The following PAQR5 variants were observed in gnomAD, a reference collection of about 807,000 sequenced individuals.
PAQR5 encodes the protein progestin and adipoQ receptor family member 5.
A neutral mutation model predicts 34.5 loss-of-function variants in PAQR5; 20 were observed. That is an observed-to-expected ratio of 0.58 (90% CI 0.41 to 0.84). The LOEUF (loss-of-function observed/expected upper bound fraction) is 0.84. Among genes scored for constraint, PAQR5 ranks in the 40% least tolerant of loss-of-function variants. The probability of loss-of-function intolerance (pLI) is 0.00; values close to 1 mark genes in which losing one functional copy is unlikely to be tolerated. For missense variants in PAQR5, 378 were observed against 412.7 expected (o/e 0.92, Z 0.73); for synonymous variants, 131 against 155.6 (o/e 0.84, Z 1.18).
chr15:69,310,608 GA>G (rs1405364156), intron 1 of PAQR5, among the ~76,000 whole-genome samples: 2 of 152,108 alleles, frequency 1.3e-5, no homozygotes, highest in Non-Finnish European at 2.9e-5. Context: ...TTTCTTATTA[GA>G]GGAATCAGAG....
At chr15:69,306,476 A>G (rs1233165518) in intron 1 of PAQR5, among the ~76,000 whole-genome samples, 1 of 140,876 alleles carries the variant, frequency 7.1e-6, no homozygotes, top group Non-Finnish European at 1.5e-5. Context: ...CAACGGCACC[A>G]TCTCGGCTCA....
chr15:69,356,503 C>T (rs1395182546), intron 2 of PAQR5, among the ~76,000 whole-genome samples: 1 of 152,112 alleles, frequency 6.6e-6, no homozygotes, highest in African/African-American at 2.4e-5. Context: ...TAACATTTAG[C>T]ATTTTAACCA....
rs373342690 is a variant in PAQR5, at chr15:69,368,569, TCTC to T, written c.51+8441_51+8443del. On this transcript the variant is annotated intron_variant, in intron 3 of 8. Transcript: ENST00000395407. ...TAGCACATCAAAACCATTTATATCT[TCTC>T]CTTCTGGAGAAATGTTCTCTGTGTC... Among the ~76,000 whole-genome samples the T allele has an allele frequency of 2.8e-4, 43 of 152,340 alleles. No homozygotes were observed. In the East Asian group the frequency reaches 6.9e-3, roughly 25 times the overall value.
At chr15:69,371,873 A>C (rs1340705294) in intron 3 of PAQR5, among the ~76,000 whole-genome samples, 1 of 152,212 alleles carries the variant, frequency 6.6e-6, no homozygotes, top group Non-Finnish European at 1.5e-5. Flanking sequence ...TCAAATTCAA[A>C]ATTGATGTTA....
rs1220688409 is a variant in PAQR5, at chr15:69,403,439, A to G, written c.752-142A>G. 9 of 747,898 alleles carry G rather than the reference A, an allele frequency of 1.2e-5. No homozygotes were observed. The East Asian group carries it at 1.4e-4, about 11-fold the overall frequency. The allele number at this position is 747,898 out of a possible 1,614,324, so 46.3% of individuals were successfully genotyped here. ...CTACTCTCTGTCTTTATGGATTTGC[A>G]TATTCTGGAGATTTTATATAATATG... On this transcript the variant is annotated intron_variant, in intron 8 of 8. Transcript: ENST00000395407.
At chr15:69,391,587 T>C (rs2056273630) in intron 6 of PAQR5, 1 of 452,028 alleles carries the variant, frequency 2.2e-6, no homozygotes, top group Non-Finnish European at 4.4e-6. Context: ...GGACTGGCCA[T>C]GGTCCAGGAA....
chr15:69,338,944 G>T (rs903526122), intron 2 of PAQR5, among the ~76,000 whole-genome samples: 4 of 152,170 alleles, frequency 2.6e-5, no homozygotes, highest in Non-Finnish European at 4.4e-5. Flanking sequence ...GAATCTTGCA[G>T]TTGGAGGCCT....
At chr15:69,388,734 C>T (rs1469834081) in intron 5 of PAQR5, among the ~76,000 whole-genome samples, 1 of 152,222 alleles carries the variant, frequency 6.6e-6, no homozygotes, top group Non-Finnish European at 1.5e-5. Context: ...TTGCTAGATC[C>T]ACCTGTCACT....
intron 5 of PAQR5, among the ~76,000 whole-genome samples, chr15:69,387,477 C>T (rs551579656): frequency 5.0e-4 from 76 of 152,336 alleles, no homozygotes; most frequent in Middle Eastern, 3.4e-3. Flanking sequence ...TGGGTATGTT[C>T]TGATGATTAA....
intron 1 of PAQR5, among the ~76,000 whole-genome samples, chr15:69,311,363 AT>A (rs767211585): frequency 1.3e-5 from 2 of 152,172 alleles, no homozygotes; most frequent in Non-Finnish European, 2.9e-5. Context: ...CAAGAGAATG[AT>A]TGGACTGATG....
intron 1 of PAQR5, among the ~76,000 whole-genome samples, chr15:69,325,414 A>G (rs2054226521): frequency 6.6e-6 from 1 of 152,096 alleles, no homozygotes; most frequent in African/African-American, 2.4e-5. Context: ...GTGCACAGTG[A>G]GTCTGCAATA....
intron 5 of PAQR5, among the ~76,000 whole-genome samples, chr15:69,388,739 G>C (rs2056177694): frequency 6.6e-6 from 1 of 152,202 alleles, no homozygotes; most frequent in South Asian, 2.1e-4. Context: ...AGATCCACCT[G>C]TCACTGGGAT....
intron 8 of PAQR5, 41 bp downstream of exon 8, chr15:69,400,156 C>T (rs2140264420): frequency 6.3e-7 from 1 of 1,585,774 alleles, no homozygotes; most frequent in African/African-American, 1.3e-5. Context: ...CATTGCCCTC[C>T]TGACTGGGGA....
chr15:69,370,679 C>T (rs922310972), intron 3 of PAQR5, among the ~76,000 whole-genome samples: 1 of 152,106 alleles, frequency 6.6e-6, no homozygotes, highest in African/African-American at 2.4e-5. Flanking sequence ...GCCACCACGC[C>T]TGGCTAATTT....
chr15:69,345,662 A>G (rs772628741), intron 2 of PAQR5, among the ~76,000 whole-genome samples: 1 of 152,228 alleles, frequency 6.6e-6, no homozygotes, highest in Non-Finnish European at 1.5e-5. Context: ...TGGAGAGTGC[A>G]TTAAACACAC....
intron 1 of PAQR5, among the ~76,000 whole-genome samples, chr15:69,323,919 T>A (rs186240319): frequency 1.3e-4 from 20 of 152,294 alleles, no homozygotes; most frequent in Admixed American, 1.1e-3. Context: ...CACCGTTACC[T>A]GTCAGTTACC....
At chr15:69,303,824 C>G (rs143205319) in intron 1 of PAQR5, among the ~76,000 whole-genome samples, 1,714 of 152,324 alleles carry the variant, frequency 0.011, 18 homozygotes, top group Middle Eastern at 0.031. Context: ...GCACGCCCCC[C>G]ACAGAGGAGC....
intron 4 of PAQR5, among the ~76,000 whole-genome samples, chr15:69,383,819 T>C (rs111420893): frequency 2.1e-4 from 3 of 14,136 alleles, no homozygotes; most frequent in African/African-American, 1.2e-3. Context: ...GAGTGGGCCT[T>C]TGTGTTCATG....
intron 3 of PAQR5, among the ~76,000 whole-genome samples, chr15:69,372,432 A>G (rs1444341502): frequency 1.3e-5 from 2 of 152,094 alleles, no homozygotes; most frequent in Non-Finnish European, 2.9e-5. Context: ...AATTCCAGCT[A>G]CTCAGGAGGA....
Sources: allele counts gnomAD v4.1 joint callset (sites outside exome capture counted in the v4.1 genomes callset), GRCh38; gene constraint gnomAD v4.1.1; transcripts MANE v1.5; gene names NCBI Gene and HGNC (gene_info 2026-07-23, HGNC 2026-07-21).